FAM153A: variants seen among roughly 807,000 people sequenced by gnomAD.
FAM153A encodes the protein protein FAM153A.
FAM153A carries 12 observed loss-of-function variants against 48.1 expected under a neutral mutation model. The ratio of observed to expected loss-of-function variants is 0.25; its 90% CI spans 0.16 to 0.40. The LOEUF is 0.40. Among genes scored for constraint, FAM153A ranks in the 10% least tolerant of loss-of-function variants. The pLI is 1.00. For synonymous variants in FAM153A, 36 were observed against 118.2 expected, an observed-to-expected ratio of 0.30 and a Z score of 4.51; for missense variants, 111 against 345.8, an observed-to-expected ratio of 0.32 and a Z score of 5.38.
chr5:177,778,406 GAA>G lies in FAM153A; in HGVS notation c.-57+2041_-57+2042del, dbSNP rs371661583. ...ATGTTCTACAATATGAATGTTTCTA[GAA>G]AAAAAAAAAAATGAAAAGGTGGTCA... On this transcript the variant is annotated intron_variant, in intron 1 of 8. Coordinates refer to the FAM153A transcript ENST00000393518. 3.8e-4 allele frequency among the ~76,000 whole-genome samples: 30 copies of G among 78,098 alleles called. 11 individuals are homozygous for G. The highest frequency in any genetic ancestry group is 1.4e-3 in the African/African-American group (28 of 19,586). The allele number at this position is 78,098 out of a possible 152,430, so 51.2% of individuals were successfully genotyped here. A position where few individuals can be genotyped will look rare whatever the true frequency, so the allele number is the denominator to read the frequency against.
At chr5:177,755,815 T>G (rs1271594711), upstream of FAM153A, among the ~76,000 whole-genome samples, 2 of 150,138 alleles carry the variant, frequency 1.3e-5, no homozygotes, top group African/African-American at 5.0e-5. Context: ...AGGCCTGCCC[T>G]ACAAGAGCTC....
At chr5:177,707,639 G>T (rs550325706), downstream of FAM153A, among the ~76,000 whole-genome samples, 42 of 151,186 alleles carry the variant, frequency 2.8e-4, no homozygotes, top group Non-Finnish European at 5.0e-4. Context: ...TTTTTGAGAC[G>T]GAGTCTTACT....
At chr5:177,701,494 G>A in the FAM153A span, among the ~76,000 whole-genome samples, 1 of 151,854 alleles carries the variant, frequency 6.6e-6, no homozygotes, top group Non-Finnish European at 1.5e-5. Flanking sequence ...GAACCCAGGA[G>A]GTGGAGGTTG....
At chr5:177,755,369 T>C (rs1263308508), upstream of FAM153A, among the ~76,000 whole-genome samples, 2 of 151,814 alleles carry the variant, frequency 1.3e-5, no homozygotes, top group Admixed American at 6.6e-5. Context: ...TTGGTATACC[T>C]GAAAGTGATG....
chr5:177,714,839 AT>A (rs1254195663), intron 25 of FAM153A, among the ~76,000 whole-genome samples: 3 of 71,124 alleles, frequency 4.2e-5, no homozygotes, highest in African/African-American at 1.5e-4. Flanking sequence ...TACAATGGAA[AT>A]GCAACGTAAA....
At chr5:177,737,186 A>G (rs1451875341) in intron 10 of FAM153A, 74 bp from the exon 13 acceptor site, 7 of 1,463,216 alleles carry the variant, frequency 4.8e-6, no homozygotes, top group Non-Finnish European at 6.5e-6. Flanking sequence ...AGCTGTGGAC[A>G]CGGGGCTGGC....
In FAM153A at chr5:177,759,938, AAACTTATAG is replaced by A. The variant is rs1460285188; in HGVS notation, c.-56-11248_-56-11240del. 1.2e-4 allele frequency among the ~76,000 whole-genome samples: 18 copies of A among 151,226 alleles called. 1 individual carries two copies. Among genetic ancestry groups the A allele is most frequent in the African/African-American group, 3.4e-4 (14 of 40,684 alleles). On this transcript the variant is annotated intron_variant, in intron 1 of 8. Transcript: ENST00000393518. ...CTGCACGTTGTGCACATGTACCCTA[AAACTTATAG>A]TATAATAAACAAAAAGTAAAAAATA...
upstream of FAM153A, among the ~76,000 whole-genome samples, chr5:177,754,336 G>T (rs1767452104): frequency 6.6e-6 from 1 of 151,550 alleles, no homozygotes; most frequent in African/African-American, 2.4e-5. Flanking sequence ...CAAAGTGGCT[G>T]GGAAGCTCTA....
At chr5:177,696,017 C>T in the FAM153A span, among the ~76,000 whole-genome samples, 903 of 126,056 alleles carry the variant, frequency 7.2e-3, 12 homozygotes, top group African/African-American at 0.026. Flanking sequence ...AGGCACTCCT[C>T]ACTTCCTAGA....
At chr5:177,715,568 C>T (rs1375603701) in intron 25 of FAM153A, among the ~76,000 whole-genome samples, 1 of 151,560 alleles carries the variant, frequency 6.6e-6, no homozygotes, top group African/African-American at 2.4e-5. Flanking sequence ...GTTCACTCCA[C>T]ATCCTGTCCT....
chr5:177,745,816 G>A (rs1386056070), intron 4 of FAM153A, among the ~76,000 whole-genome samples: 1 of 151,826 alleles, frequency 6.6e-6, no homozygotes, highest in African/African-American at 2.4e-5. Flanking sequence ...GCTGAGGAAT[G>A]ACCTCAACGC....
chr5:177,706,640 G>A (rs1268801709), downstream of FAM153A: 2 of 151,838 alleles, frequency 1.3e-5, no homozygotes, highest in Non-Finnish European at 2.9e-5. Flanking sequence ...GAGAACTTTT[G>A]TTAACCAGGA....
At chr5:177,738,607 G>A (rs148624388) in intron 10 of FAM153A, among the ~76,000 whole-genome samples, 9 of 151,236 alleles carry the variant, frequency 6.0e-5, no homozygotes, top group South Asian at 2.1e-4. Context: ...GTTCACCTCT[G>A]CCTCTTGCAC....
intron 1 of FAM153A, among the ~76,000 whole-genome samples, chr5:177,752,618 CAAAAAAAA>C (rs71274705): frequency 4.5e-4 from 14 of 31,012 alleles, no homozygotes; most frequent in Non-Finnish European, 6.8e-4. Context: ...GAGACTCTGC[CAAAAAAAA>C]AAAAAAAAAA....
At chr5:177,738,587 C>G (rs1765055969) in intron 10 of FAM153A, among the ~76,000 whole-genome samples, 1 of 151,238 alleles carries the variant, frequency 6.6e-6, no homozygotes, top group South Asian at 2.1e-4. Context: ...AACCTTCCAC[C>G]CACTCCTGAG....
intron 1 of FAM153A, among the ~76,000 whole-genome samples, chr5:177,752,908 A>G (rs536746925): frequency 1.4e-5 from 2 of 139,386 alleles, no homozygotes; most frequent in Middle Eastern, 3.5e-3. Context: ...AGCCTAGGCA[A>G]CAGAGCAAGA....
intron 18 of FAM153A, among the ~76,000 whole-genome samples, chr5:177,725,828 C>G (rs1453306144): frequency 6.6e-6 from 1 of 151,960 alleles, no homozygotes; most frequent in Non-Finnish European, 1.5e-5. Flanking sequence ...CCCCTCCACA[C>G]ATATCCCTTA....
upstream of FAM153A, among the ~76,000 whole-genome samples, chr5:177,754,000 G>C (rs954185593): frequency 1.3e-5 from 2 of 151,932 alleles, no homozygotes; most frequent in African/African-American, 4.9e-5. Context: ...CAGGACAGTG[G>C]GTGCAGTGCA....
exon 27 of FAM153A, chr5:177,713,009 A>G (rs979449483): frequency 3.9e-5 from 6 of 151,972 alleles, no homozygotes; most frequent in African/African-American, 1.5e-4. Flanking sequence ...TGCTCTACCA[A>G]GAGAGACACC....
Sources: allele counts gnomAD v4.1 joint callset (sites outside exome capture counted in the v4.1 genomes callset), GRCh38; gene constraint gnomAD v4.1.1; transcripts MANE v1.5; gene names NCBI Gene and HGNC (gene_info 2026-07-23, HGNC 2026-07-21).